The following APP variants were observed in gnomAD, a reference collection of about 807,000 sequenced individuals.
The protein encoded by APP is amyloid-beta precursor protein.
APP carries 31 observed loss-of-function variants against 101.4 expected under a neutral mutation model. The ratio of observed to expected loss-of-function variants is 0.31; its 90% CI spans 0.23 to 0.41. The LOEUF (loss-of-function observed/expected upper bound fraction) is 0.41, where lower values mean the gene tolerates loss of function less well. APP is among the 10% of genes least tolerant of loss of function. The probability of loss-of-function intolerance (pLI) is 1.00; values close to 1 mark genes in which losing one functional copy is unlikely to be tolerated. For missense variants in APP, 839 were observed against 1,003.7 expected (o/e 0.84, Z 2.22); for synonymous variants, 366 against 364.4 (o/e 1.00, Z -0.05).
chr21:25,914,568 T>C, intron 13 of APP, among the ~76,000 whole-genome samples: 1 of 148,570 alleles, frequency 6.7e-6, no homozygotes. Flanking sequence ...TTTTTTTTTT[T>C]TTTGAGACGG....
intron 1 of APP, among the ~76,000 whole-genome samples, chr21:26,148,468 C>G (rs2063198390): frequency 6.6e-6 from 1 of 152,166 alleles, no homozygotes; most frequent in South Asian, 2.1e-4. Context: ...AGGGACAAAA[C>G]CCAAGGAAAT....
intron 1 of APP, among the ~76,000 whole-genome samples, chr21:26,121,560 G>C (rs2062572042): frequency 6.6e-6 from 1 of 152,042 alleles, no homozygotes; most frequent in South Asian, 2.1e-4. Context: ...GCTAATTTTT[G>C]TATTTTTAGT....
At chr21:25,882,431 GAATT>G (rs2037053142) in intron 17 of APP, among the ~76,000 whole-genome samples, 1 of 149,920 alleles carries the variant, frequency 6.7e-6, no homozygotes, top group Admixed American at 6.7e-5. Context: ...TAAAAACTGA[GAATT>G]AAGATACTAT....
At chr21:26,149,926 T>G (rs1323440935) in intron 1 of APP, among the ~76,000 whole-genome samples, 2 of 152,198 alleles carry the variant, frequency 1.3e-5, no homozygotes, top group Non-Finnish European at 2.9e-5. Context: ...CTCACAGCCT[T>G]TACACTGTAT....
At chr21:26,102,324 C>T (rs1011059464) in intron 2 of APP, among the ~76,000 whole-genome samples, 5 of 151,852 alleles carry the variant, frequency 3.3e-5, no homozygotes, top group Non-Finnish European at 5.9e-5. Flanking sequence ...CTCCTGACCT[C>T]GTGATCTGCC....
intron 11 of APP, among the ~76,000 whole-genome samples, chr21:25,960,549 C>G (rs978686114): frequency 1.3e-5 from 2 of 152,140 alleles, no homozygotes; most frequent in African/African-American, 2.4e-5. Flanking sequence ...AACTGAACCA[C>G]TCAGTCAGTA....
chr21:25,967,911 G>A (rs919574475), intron 11 of APP, among the ~76,000 whole-genome samples: 4 of 152,198 alleles, frequency 2.6e-5, no homozygotes, highest in Non-Finnish European at 2.9e-5. Flanking sequence ...TTAACCTCCT[G>A]TGCTGCAGTT....
At position 26,024,479 on chromosome 21, in the gene APP, A is replaced by G. The variant is rs115839882; in HGVS notation, c.663-2437T>C. ...AGCACAGCATTATGTAGGAAATCAG[A>G]TTCCAAACACGTGAGACAAGCGAAC... On this transcript the variant is annotated intron_variant, in intron 5 of 17. Coordinates refer to ENST00000346798, the MANE Select transcript of APP (RefSeq NM_000484.4). Among the ~76,000 whole-genome samples, 511 of 152,290 alleles carry G rather than the reference A, an allele frequency of 3.4e-3. 1 individual carries two copies. The highest frequency in any genetic ancestry group is 0.012 in the African/African-American group (486 of 41,552).
Position 25,904,183 on chromosome 21 carries a change from T to C in APP, c.1963+841A>G, listed in dbSNP as rs114189800. Among the ~76,000 whole-genome samples the C allele has an allele frequency of 6.7e-3, 1,017 of 152,360 alleles. 10 individuals are homozygous for C. Among genetic ancestry groups the C allele is most frequent in the African/African-American group, 0.023 (963 of 41,590 alleles). On this transcript the variant is annotated intron_variant, in intron 15 of 17. Transcript: ENST00000346798. ...AAAATCTCCCTGGAATACACAAATT[T>C]GTCAATTCAATAACTTTCTTCCTCT...
intron 11 of APP, among the ~76,000 whole-genome samples, chr21:25,958,353 T>A (rs1245021285): frequency 6.6e-6 from 1 of 152,214 alleles, no homozygotes. Context: ...CTTGGCTCAC[T>A]GCAACCTCCG....
chr21:26,047,238 C>T (rs1177230286), intron 5 of APP, among the ~76,000 whole-genome samples: 1 of 152,188 alleles, frequency 6.6e-6, no homozygotes, highest in Admixed American at 6.5e-5. Context: ...CACTCATCTT[C>T]TATCAAAACA....
At chr21:26,105,334 A>G (rs1255373456) in intron 2 of APP, among the ~76,000 whole-genome samples, 1 of 152,198 alleles carries the variant, frequency 6.6e-6, no homozygotes, top group Non-Finnish European at 1.5e-5. Context: ...GAGTCCAGTT[A>G]AAGACAGACC....
rs890791200 is a variant in APP at position 25,897,656 on chromosome 21, T to C, written c.1981A>G (p.Ile661Val). The C allele has an allele frequency of 2.5e-6, 4 of 1,613,722 alleles. No homozygotes were observed. The highest frequency in any genetic ancestry group is 1.1e-5 in the South Asian group (1 of 91,076). Residue 661 changes from isoleucine to valine, a missense_variant, in exon 16 of 18, where the codon ATC becomes GTC. Ile to Val is a conservative substitution (Grantham distance 29, BLOSUM62 3). Coordinates refer to ENST00000346798, the MANE Select transcript of APP (RefSeq NM_000484.4). ...ACTTCAGAGATCTCCTCCGTCTTGA[T>C]ATTTGTCAACCCAGAACCTGTATTA... ...TTRPGSGLTN[I>V]KTEEISEVKM... is the part of the protein sequence containing the mutation.
chr21:25,881,810 C>G lies in APP; in HGVS notation c.2212-39G>C, dbSNP rs1002962479. 5.0e-6 allele frequency: 8 copies of G among 1,588,362 alleles called. No homozygotes were observed. In the East Asian group the frequency reaches 6.7e-5, roughly 13 times the overall value. On this transcript the variant is annotated intron_variant, in intron 17 of 17. Transcript: ENST00000346798. ...GGAGAGCTGAGTAAAAAATAAAAAT[C>G]AATCTTTTAAGGGTGAACATGGAGA... is the stretch of plus-strand genomic sequence containing the variant.
At chr21:25,997,444 A>G (rs1455164428) in intron 7 of APP, 28 bp from the exon 8 acceptor site, 1 of 1,579,632 alleles carries the variant, frequency 6.3e-7, no homozygotes, top group Admixed American at 1.7e-5. Flanking sequence ...GAACATAACT[A>G]AAAACAAAAA....
intron 8 of APP, among the ~76,000 whole-genome samples, chr21:25,994,325 G>A (rs541304003): frequency 6.6e-6 from 1 of 152,058 alleles, no homozygotes; most frequent in African/African-American, 2.4e-5. Context: ...TCCCAAATGA[G>A]AAAGGGTTTT....
At chr21:25,988,708 A>G (rs1397221049) in intron 8 of APP, among the ~76,000 whole-genome samples, 3 of 147,834 alleles carry the variant, frequency 2.0e-5, no homozygotes, top group Admixed American at 2.0e-4. Context: ...GTCTCAAAAA[A>G]AAAAAAAAAA....
At chr21:26,050,224 T>C (rs1441815445) in intron 5 of APP, among the ~76,000 whole-genome samples, 6 of 152,186 alleles carry the variant, frequency 3.9e-5, no homozygotes, top group African/African-American at 1.4e-4. Context: ...TGGAAATCTG[T>C]AGCTCTAGGG....
At chr21:25,958,722 C>T (rs938137930) in intron 11 of APP, among the ~76,000 whole-genome samples, 1 of 152,226 alleles carries the variant, frequency 6.6e-6, no homozygotes, top group East Asian at 1.9e-4. Flanking sequence ...GATGCGTAGT[C>T]CATTGCTGAT....
Sources: gnomAD v4.1 joint callset for allele counts (sites outside exome capture counted in the v4.1 genomes callset) on GRCh38, gnomAD v4.1.1 for gene constraint, MANE v1.5 for transcripts, NCBI Gene and HGNC (gene_info 2026-07-23, HGNC 2026-07-21) for gene names.